Variants in CFL2 observed in about 807,000 individuals in gnomAD.
CFL2 encodes cofilin-2.
A neutral mutation model predicts 19.6 loss-of-function variants in CFL2; 10 were observed. The ratio of observed to expected loss-of-function variants is 0.51; its 90% confidence interval spans 0.31 to 0.86. The LOEUF (loss-of-function observed/expected upper bound fraction) is 0.86, where lower values mean the gene tolerates loss of function less well. Ranked by LOEUF, CFL2 falls within the 40% of genes least tolerant of loss-of-function variation. CFL2 has a pLI of 0.04. For missense variants in CFL2, 125 were observed against 192.1 expected, an observed-to-expected ratio of 0.65 and a Z score of 2.06; for synonymous variants, 63 against 66.7, an observed-to-expected ratio of 0.95 and a Z score of 0.27.
chr14:34,714,502 C>T, intron 1 of CFL2, 36 bp downstream of exon 1: 1 of 1,562,196 alleles, frequency 6.4e-7, no homozygotes, highest in Non-Finnish European at 8.6e-7. Flanking sequence ...CTTTTCTCGC[C>T]TCGCCGCGGC....
At position 34,712,072 on chromosome 14, in the gene CFL2, TCAAAA is replaced by T; in HGVS notation, c.*788_*792del. The T allele has an allele frequency of 2.2e-6, 1 of 454,530 alleles. No homozygotes were observed. Among genetic ancestry groups the T allele is most frequent in the South Asian group, 1.6e-5 (1 of 64,468 alleles). The allele number at this position is 454,530 out of a possible 1,614,324, so 28.2% of individuals were successfully genotyped here. A position where few individuals can be genotyped will look rare whatever the true frequency, so the allele number is the denominator to read the frequency against. ...TTTTGTGAGGGTGGGGAGTTTGATC[TCAAAA>T]CAATGTTCCATTTAAGGCTCTTTTA... On this transcript the variant is annotated 3_prime_UTR_variant, in exon 4 of 4. Coordinates refer to ENST00000298159, the MANE Select transcript of CFL2 (RefSeq NM_138638.5).
rs1885243721 is a variant in CFL2 at position 34,710,445 on chromosome 14, C to G, written c.*2420G>C. The G allele has an allele frequency of 2.4e-6, 1 of 420,002 alleles. No homozygotes were observed. The highest frequency in any genetic ancestry group is 4.7e-6 in the Non-Finnish European group (1 of 214,950). 26.0% of individuals were successfully genotyped at this position (420,002 alleles called of 1,614,324 possible). Reference sequence around the variant, plus strand: ...AAGTAAACACATCTCAACAGCTTTACATATTTTCATATATTTTATTTTTTA... The same window carrying G: ...AAGTAAACACATCTCAACAGCTTTAGATATTTTCATATATTTTATTTTTTA... On this transcript the variant is annotated 3_prime_UTR_variant, in exon 4 of 4. Coordinates refer to ENST00000298159, the MANE Select transcript of CFL2 (RefSeq NM_138638.5).
At chr14:34,714,245 G>A in intron 1 of CFL2, 1 of 440,854 alleles carries the variant, frequency 2.3e-6, no homozygotes, top group Non-Finnish European at 4.0e-6. Flanking sequence ...GAAGGGCAAA[G>A]GCGGCGCGAG....
intron 1 of CFL2, chr14:34,714,176 A>T (rs1029409981): frequency 5.4e-6 from 2 of 371,804 alleles, no homozygotes; most frequent in Non-Finnish European, 4.9e-6. Context: ...CCTGACCCAC[A>T]CAGCGTTCGC....
At position 34,712,806 on chromosome 14, in the gene CFL2, A is replaced by G; in HGVS notation, c.*59T>C. 1.0e-6 allele frequency: 1 copy of G among 969,910 alleles called. No individual in the cohort carries two copies. The highest frequency in any genetic ancestry group is 1.7e-6 in the Non-Finnish European group (1 of 591,092). The allele number at this position is 969,910 out of a possible 1,614,324, so 60.1% of individuals were successfully genotyped here. A position where few individuals can be genotyped will look rare whatever the true frequency, so the allele number is the denominator to read the frequency against. ...AAAACCAAAACCTAATACTATTCCA[A>G]TGGACTGAGCTGGAGAAATGGAAGC... On this transcript the variant is annotated 3_prime_UTR_variant, in exon 4 of 4. Transcript: ENST00000298159.
chr14:34,713,184 AG>A, intron 2 of CFL2, 48 bp from the exon 3 acceptor site: 1 of 1,564,598 alleles, frequency 6.4e-7, no homozygotes, highest in Non-Finnish European at 8.7e-7. Context: ...AGAAAAACAA[AG>A]GTAAGACTGA....
Position 34,711,548 on chromosome 14 carries a change from G to T in CFL2, c.*1317C>A, listed in dbSNP as rs1026426308. 19 of 454,298 alleles carry T rather than the reference G, an allele frequency of 4.2e-5. No individual in the cohort carries two copies. The highest frequency in any genetic ancestry group is 1.4e-3 in the Middle Eastern group (2 of 1,466). The allele number at this position is 454,298 out of a possible 1,614,324, so 28.1% of individuals were successfully genotyped here. ...GTGAAATGACTGTTCCGAAACATCA[G>T]AAGTATCATTAAACTTTTAAAGGAC... On this transcript the variant is annotated 3_prime_UTR_variant, in exon 4 of 4. Coordinates refer to ENST00000298159, the MANE Select transcript of CFL2 (RefSeq NM_138638.5).
At position 34,709,149 on chromosome 14, in the gene CFL2, TTACA is replaced by T. The variant is rs1263075506; in HGVS notation, c.*3712_*3715del. On this transcript the variant is annotated 3_prime_UTR_variant, in exon 4 of 4. Transcript: ENST00000298159. ...ACAAAAACATTTAATATTTATCTACTTACATACAGTAATTAAGAATGAATAGTTT... is the reference window on the plus strand; with the variant it reads ...ACAAAAACATTTAATATTTATCTACTTACAGTAATTAAGAATGAATAGTTT... 1.3e-5 allele frequency: 2 copies of T among 152,124 alleles called. No individual in the cohort carries two copies. The highest frequency in any genetic ancestry group is 2.4e-5 in the African/African-American group (1 of 41,438). 9.4% of individuals were successfully genotyped at this position (152,124 alleles called of 1,614,324 possible).
chr14:34,712,641 G>T lies in CFL2; in HGVS notation c.*224C>A, dbSNP rs1237415559. 17 of 654,730 alleles carry T rather than the reference G, an allele frequency of 2.6e-5. No homozygotes were observed. The highest frequency in any genetic ancestry group is 4.5e-5 in the Non-Finnish European group (16 of 356,818). 40.6% of individuals were successfully genotyped at this position (654,730 alleles called of 1,614,324 possible). ...CAGTTGTTTTGGCTAAAATATGACA[G>T]GAAGGCATTCCTTGGGTTCTATATA... is the stretch of plus-strand genomic sequence containing the variant. On this transcript the variant is annotated 3_prime_UTR_variant, in exon 4 of 4. Coordinates refer to ENST00000298159, the MANE Select transcript of CFL2 (RefSeq NM_138638.5).
At chr14:34,714,487 G>A (rs533579807) in intron 1 of CFL2, 51 bp downstream of exon 1, 8 of 1,547,256 alleles carry the variant, frequency 5.2e-6, no homozygotes, top group Admixed American at 1.9e-5. Flanking sequence ...GGGCCGTGCG[G>A]GGGGCTTTTC....
rs1343450138 is a variant in CFL2, at chr14:34,712,831, C to G, written c.*34G>C. On this transcript the variant is annotated 3_prime_UTR_variant, in exon 4 of 4. Coordinates refer to ENST00000298159, the MANE Select transcript of CFL2 (RefSeq NM_138638.5). ...ATGGACTGAGCTGGAGAAATGGAAG[C>G]TCCTTAAGATCCAGATGGCACTTGA... 2 of 1,153,976 alleles carry G rather than the reference C, an allele frequency of 1.7e-6. No individual in the cohort carries two copies. Among genetic ancestry groups the G allele is most frequent in the Non-Finnish European group, 2.6e-6 (2 of 759,540 alleles). 71.5% of individuals were successfully genotyped at this position (1,153,976 alleles called of 1,614,324 possible).
intron 1 of CFL2, chr14:34,714,293 C>G: frequency 1.9e-6 from 1 of 521,686 alleles, no homozygotes; most frequent in Non-Finnish European, 3.1e-6. Context: ...CCCCCGCCCG[C>G]CCGGCCCCGA....
Position 34,710,700 on chromosome 14 carries a change from T to C in CFL2, c.*2165A>G. The C allele has an allele frequency of 2.2e-6, 1 of 451,774 alleles. No homozygotes were observed. Among genetic ancestry groups the C allele is most frequent in the South Asian group, 1.6e-5 (1 of 63,034 alleles). The allele number at this position is 451,774 out of a possible 1,614,324, so 28.0% of individuals were successfully genotyped here. A position where few individuals can be genotyped will look rare whatever the true frequency, so the allele number is the denominator to read the frequency against. ...GATGTATTTCAAAGATGAACTTAAT[T>C]ATATTAGTATCAGTTTTGTCAATCT... On this transcript the variant is annotated 3_prime_UTR_variant, in exon 4 of 4. Coordinates refer to ENST00000298159, the MANE Select transcript of CFL2 (RefSeq NM_138638.5).
Position 34,711,507 on chromosome 14 carries a change from T to C in CFL2, c.*1358A>G, listed in dbSNP as rs1366215900. The stretch of plus-strand genomic sequence containing the variant: ...CTATTCCAATTCAATTTGCAAAATA[T>C]ATTCAGAAATAGTAGGTGAAATGAC... On this transcript the variant is annotated 3_prime_UTR_variant, in exon 4 of 4. Coordinates refer to ENST00000298159, the MANE Select transcript of CFL2 (RefSeq NM_138638.5). 4.4e-6 allele frequency: 2 copies of C among 454,452 alleles called. No homozygotes were observed. The highest frequency in any genetic ancestry group is 4.4e-6 in the Non-Finnish European group (1 of 226,798). The allele number at this position is 454,452 out of a possible 1,614,324, so 28.2% of individuals were successfully genotyped here. A position where few individuals can be genotyped will look rare whatever the true frequency, so the allele number is the denominator to read the frequency against.
rs773592775 is a variant in CFL2 at position 34,711,705 on chromosome 14, T to C, written c.*1160A>G. On this transcript the variant is annotated 3_prime_UTR_variant, in exon 4 of 4. Transcript: ENST00000298159. ...ATTTATCCAGAGAACAAATCAGATA[T>C]TGAAAAGTATTTATGCCAAAGTGCA... The C allele has an allele frequency of 3.4e-5, 15 of 445,002 alleles. 1 individual carries two copies. Among genetic ancestry groups the C allele is most frequent in the Non-Finnish European group, 5.3e-5 (12 of 224,572 alleles). 27.6% of individuals were successfully genotyped at this position (445,002 alleles called of 1,614,324 possible).
chr14:34,710,561 T>C lies in CFL2; in HGVS notation c.*2304A>G, dbSNP rs1157515616. Reference sequence around the variant, plus strand: ...ATACCTTTTAAAGCTAACTGGAACATTGATTCATTATAAATGATTGTAAAA... The same window carrying C: ...ATACCTTTTAAAGCTAACTGGAACACTGATTCATTATAAATGATTGTAAAA... On this transcript the variant is annotated 3_prime_UTR_variant, in exon 4 of 4. Transcript: ENST00000298159. 1 of 432,962 alleles carries C rather than the reference T, an allele frequency of 2.3e-6. No homozygotes were observed. Among genetic ancestry groups the C allele is most frequent in the East Asian group, 7.1e-5 (1 of 14,174 alleles). 26.8% of individuals were successfully genotyped at this position (432,962 alleles called of 1,614,324 possible).
Position 34,712,143 on chromosome 14 carries a change from A to G in CFL2, c.*722T>C, listed in dbSNP as rs745682292. 9.5e-5 allele frequency: 43 copies of G among 454,426 alleles called. No individual in the cohort carries two copies. Among genetic ancestry groups the G allele is most frequent in the Non-Finnish European group, 1.7e-4 (39 of 226,792 alleles). The allele number at this position is 454,426 out of a possible 1,614,324, so 28.1% of individuals were successfully genotyped here. A position where few individuals can be genotyped will look rare whatever the true frequency, so the allele number is the denominator to read the frequency against. On this transcript the variant is annotated 3_prime_UTR_variant, in exon 4 of 4. Transcript: ENST00000298159. ...CATGACTGATATTCAAAATATCTTT[A>G]GTGTTGCAGGACTCACATGGTAAAC...
At position 34,713,826 on chromosome 14, in the gene CFL2, T is replaced by C. The variant is rs1449294766; in HGVS notation, c.4-265A>G. On this transcript the variant is annotated intron_variant, in intron 1 of 3. Transcript: ENST00000298159. ...TACAAGTTGTCCCATCCCTGAAATG[T>C]TTCCTATTTCACTGGGTGATGTCAG... The C allele has an allele frequency of 7.7e-6, 12 of 1,562,090 alleles. No individual in the cohort carries two copies. The Admixed American group carries it at 9.5e-5, about 12-fold the overall frequency.
rs1365163279 is a variant in CFL2, at chr14:34,713,041, C to G, written c.388+19G>C. 1.3e-6 allele frequency: 2 copies of G among 1,563,356 alleles called. No individual in the cohort carries two copies. Among genetic ancestry groups the G allele is most frequent in the Admixed American group, 3.5e-5 (2 of 56,710 alleles). On this transcript the variant is annotated intron_variant, in intron 3 of 3. Transcript: ENST00000298159. ...TTAATAAAGAATAATTTCTCTGCCC[C>G]AAATATTCAAGTTTGTACCTGTAAA...
Sources: gnomAD v4.1 joint callset for allele counts on GRCh38, gnomAD v4.1.1 for gene constraint, MANE v1.5 for transcripts, NCBI Gene and HGNC (gene_info 2026-07-23, HGNC 2026-07-21) for gene names.